The following DLC1 variants were observed in gnomAD, a reference collection of about 807,000 sequenced individuals.
DLC1 encodes rho GTPase-activating protein 7.
A neutral mutation model predicts 140.3 loss-of-function variants in DLC1; 54 were observed. The ratio of observed to expected loss-of-function variants is 0.38; its 90% CI spans 0.31 to 0.48. The LOEUF is 0.48. Among genes scored for constraint, DLC1 ranks in the 20% least tolerant of loss-of-function variants. DLC1 has a pLI of 0.96. For synonymous variants in DLC1, 986 were observed against 728.1 expected (o/e 1.35, Z -5.70); for missense variants, 2,536 against 1,907.0 (o/e 1.33, Z -6.14).
chr8:13,458,905 T>G (rs551035421), intron 2 of DLC1, among the ~76,000 whole-genome samples: 1 of 152,284 alleles, frequency 6.6e-6, no homozygotes, highest in Non-Finnish European at 1.5e-5. Context: ...TGGAAATTAG[T>G]TATGCACAAT....
chr8:13,564,754 G>A (rs1804369076), intron 1 of DLC1, among the ~76,000 whole-genome samples: 1 of 152,182 alleles, frequency 6.6e-6, no homozygotes, highest in African/African-American at 2.4e-5. Context: ...GATCATTAAG[G>A]AAAAAGCTGG....
At chr8:13,148,383 T>C (rs1016793054) in intron 5 of DLC1, among the ~76,000 whole-genome samples, 2 of 152,182 alleles carry the variant, frequency 1.3e-5, no homozygotes, top group African/African-American at 4.8e-5. Context: ...GAACATGCAG[T>C]ATTTGGTTTT....
rs762024872 is a variant in DLC1 at position 13,095,144 on chromosome 8, G to A, written c.3269C>T (p.Pro1090Leu). The A allele has an allele frequency of 3.7e-6, 6 of 1,614,132 alleles. No homozygotes were observed. The highest frequency in any genetic ancestry group is 2.2e-5 in the South Asian group (2 of 91,090). ...GGCCTGCTGGATGCTCTGAGGCAACGGTTGTCCTGTGCGCTGCACGTTGAC... is the reference window on the plus strand; with the variant it reads ...GGCCTGCTGGATGCTCTGAGGCAACAGTTGTCCTGTGCGCTGCACGTTGAC... The part of the protein sequence containing the change: ...LTVNVQRTGQ[P>L]LPQSIQQAMR... The change falls in exon 11 of 18, where the codon CCG (proline) becomes CTG (leucine). Residue 1090 changes from proline (P) to leucine (L), a missense_variant. Pro to Leu is a moderately conservative substitution (Grantham distance 98). Coordinates refer to ENST00000276297, the MANE Select transcript of DLC1 (RefSeq NM_182643.3).
Position 13,514,752 on chromosome 8 carries a change from T to G in DLC1, c.-276A>C, listed in dbSNP as rs1055408517. 5.0e-6 allele frequency: 2 copies of G among 397,810 alleles called. No individual in the cohort carries two copies. The highest frequency in any genetic ancestry group is 4.1e-5 in the African/African-American group (2 of 48,586). The allele number at this position is 397,810 out of a possible 1,614,324, so 24.6% of individuals were successfully genotyped here. A position where few individuals can be genotyped will look rare whatever the true frequency, so the allele number is the denominator to read the frequency against. ...ATTCTGAGCAGTTTCACGCAGTGTGTGAGTCTAACAAAAACACCCTCTGCA... is the reference window on the plus strand; with the variant it reads ...ATTCTGAGCAGTTTCACGCAGTGTGGGAGTCTAACAAAAACACCCTCTGCA... On this transcript the variant is annotated 5_prime_UTR_variant, in exon 1 of 18. Transcript: ENST00000276297.
chr8:13,215,638 A>G (rs1405568661), intron 5 of DLC1, among the ~76,000 whole-genome samples: 2 of 152,174 alleles, frequency 1.3e-5, no homozygotes, highest in Non-Finnish European at 2.9e-5. Flanking sequence ...AGAGCTAGAA[A>G]GTACATCCTA....
Position 13,499,043 on chromosome 8 carries a change from T to G in DLC1, c.1023+6A>C. On this transcript the variant is annotated splice_donor_region_variant and intron_variant, in intron 2 of 17. Transcript: ENST00000276297. Reference sequence around the variant, plus strand: ...AAAAGCCAGAGAATCTGTGCATATGTCTTACCTTTCTCTTACGAAGTCTGA... The same window carrying G: ...AAAAGCCAGAGAATCTGTGCATATGGCTTACCTTTCTCTTACGAAGTCTGA... 6.2e-7 allele frequency: 1 copy of G among 1,604,420 alleles called. No individual in the cohort carries two copies. Among genetic ancestry groups the G allele is most frequent in the Non-Finnish European group, 8.5e-7 (1 of 1,176,312 alleles).
chr8:13,201,921 G>GTTTTTTTTTTTTTTTTTTTTTTT (rs35475930), intron 5 of DLC1, among the ~76,000 whole-genome samples: 1 of 101,804 alleles, frequency 9.8e-6, no homozygotes. Flanking sequence ...TACCCAAAAG[G>GTTTTTTTTTTTTTTTTTTTTTTT]TTTTTTTTTT....
At chr8:13,491,092 A>T (rs1197729313) in intron 2 of DLC1, among the ~76,000 whole-genome samples, 1 of 147,870 alleles carries the variant, frequency 6.8e-6, no homozygotes, top group Non-Finnish European at 1.5e-5. Context: ...ACATATTCAA[A>T]TTTAATATTT....
At chr8:13,093,674 T>C (rs1818272530) in intron 12 of DLC1, among the ~76,000 whole-genome samples, 1 of 152,092 alleles carries the variant, frequency 6.6e-6, no homozygotes, top group Non-Finnish European at 1.5e-5. Flanking sequence ...ACATAACAAA[T>C]ACCTCGGTGA....
intron 2 of DLC1, among the ~76,000 whole-genome samples, chr8:13,425,327 G>A (rs1183900319): frequency 6.6e-6 from 1 of 152,144 alleles, no homozygotes; most frequent in Non-Finnish European, 1.5e-5. Flanking sequence ...TATCAATATT[G>A]ATGGAGCCAT....
intron 2 of DLC1, among the ~76,000 whole-genome samples, chr8:13,493,663 C>A (rs1020822583): frequency 6.6e-6 from 1 of 152,134 alleles, no homozygotes; most frequent in African/African-American, 2.4e-5. Flanking sequence ...ACAATATATT[C>A]TATACCTCTT....
intron 2 of DLC1, among the ~76,000 whole-genome samples, chr8:13,478,263 G>T (rs995653151): frequency 1.3e-5 from 2 of 152,024 alleles, no homozygotes; most frequent in African/African-American, 4.8e-5. Flanking sequence ...GAGAGAGAAG[G>T]GGGTAGGTGG....
intron 5 of DLC1, among the ~76,000 whole-genome samples, chr8:13,161,531 G>A (rs10086073): frequency 0.47 from 71,010 of 151,858 alleles, 17,233 homozygotes; most frequent in East Asian, 0.82. Flanking sequence ...GGTTGAGACA[G>A]GTCTTGCTTT....
intron 2 of DLC1, among the ~76,000 whole-genome samples, chr8:13,483,816 T>C (rs888374077): frequency 1.3e-5 from 2 of 152,150 alleles, no homozygotes; most frequent in African/African-American, 4.8e-5. Flanking sequence ...GTGTGGTGGC[T>C]CACACCTGTA....
At chr8:13,426,331 A>G (rs1003301772) in intron 2 of DLC1, among the ~76,000 whole-genome samples, 2 of 152,192 alleles carry the variant, frequency 1.3e-5, no homozygotes, top group Non-Finnish European at 2.9e-5. Context: ...CTAAGCCTTA[A>G]TAGTATTCTC....
intron 5 of DLC1, among the ~76,000 whole-genome samples, chr8:13,180,075 G>C (rs1825953480): frequency 6.6e-6 from 1 of 152,150 alleles, no homozygotes; most frequent in Non-Finnish European, 1.5e-5. Flanking sequence ...TGTAGTATTA[G>C]CAATCCAGGT....
At chr8:13,305,007 G>C (rs893515500) in intron 5 of DLC1, 3 of 1,092,702 alleles carry the variant, frequency 2.7e-6, no homozygotes, top group Non-Finnish European at 3.3e-6. Flanking sequence ...TTTTGCTTAA[G>C]AAAAAAAAAT....
Position 13,304,959 on chromosome 8 carries a change from C to A in DLC1, c.1348+310G>T, listed in dbSNP as rs535862139. 5.8e-6 allele frequency: 6 copies of A among 1,030,534 alleles called. No individual in the cohort carries two copies. The South Asian group carries it at 1.3e-4, about 23-fold the overall frequency. The allele number at this position is 1,030,534 out of a possible 1,614,324, so 63.8% of individuals were successfully genotyped here. On this transcript the variant is annotated intron_variant, in intron 5 of 17. Transcript: ENST00000276297. Reference sequence around the variant, plus strand: ...TTGGTAATTATTAATAACTAATTTCCAAATTCATTCCCCAGAACCTTGATC... The same window carrying A: ...TTGGTAATTATTAATAACTAATTTCAAAATTCATTCCCCAGAACCTTGATC...
At chr8:13,367,297 A>G (rs897266) in intron 4 of DLC1, among the ~76,000 whole-genome samples, 76,165 of 151,974 alleles carry the variant, frequency 0.5, 19,958 homozygotes, top group East Asian at 0.79. Context: ...CACTCAATCC[A>G]TCCAGATCAT....
Sources: gnomAD v4.1 joint callset for allele counts (sites outside exome capture counted in the v4.1 genomes callset) on GRCh38, gnomAD v4.1.1 for gene constraint, MANE v1.5 for transcripts, NCBI Gene and HGNC (gene_info 2026-07-23, HGNC 2026-07-21) for gene names.